NAT1: variants seen among roughly 807,000 people sequenced by gnomAD.
NAT1 encodes the protein N-acetyltransferase 1.
For synonymous variants in NAT1, 144 were observed against 122.6 expected (o/e 1.17, Z -1.16); for missense variants, 400 against 339.2 (o/e 1.18, Z -1.41).
intron 1 of NAT1, 82 bp downstream of exon 1, chr8:18,210,262 G>A (rs936127738): frequency 2.0e-5 from 3 of 152,264 alleles, no homozygotes; most frequent in Middle Eastern, 6.8e-3. Flanking sequence ...GGTTCTACAC[G>A]ATGTCTACAT....
intron 2 of NAT1, among the ~76,000 whole-genome samples, chr8:18,190,293 A>C (rs1383062769): frequency 1.3e-5 from 2 of 152,198 alleles, no homozygotes; most frequent in African/African-American, 4.8e-5. Flanking sequence ...TCCTGTGTGA[A>C]AGTGTGTGTC....
At chr8:18,203,361 G>A (rs2117299822) in intron 2 of NAT1, among the ~76,000 whole-genome samples, 1 of 152,308 alleles carries the variant, frequency 6.6e-6, no homozygotes, top group Non-Finnish European at 1.5e-5. Context: ...AAATAAAATA[G>A]AAATGTGTTC....
In NAT1 at chr8:18,221,896, G is replaced by T. The variant is rs886236604; in HGVS notation, c.-6-146G>T. 8.3e-6 allele frequency: 7 copies of T among 839,308 alleles called. No homozygotes were observed. The African/African-American group carries it at 1.0e-4, about 12-fold the overall frequency. 52.0% of individuals were successfully genotyped at this position (839,308 alleles called of 1,614,324 possible). A position where few individuals can be genotyped will look rare whatever the true frequency, so the allele number is the denominator to read the frequency against. On this transcript the variant is annotated intron_variant, in intron 2 of 2. Transcript: ENST00000307719. ...TTAACTGAACTTATGTGTGTAAAAG[G>T]AATTCATACAATGAAAGCACTAGAA...
At chr8:18,192,552 G>A (rs1803040148) in intron 2 of NAT1, among the ~76,000 whole-genome samples, 1 of 152,140 alleles carries the variant, frequency 6.6e-6, no homozygotes, top group South Asian at 2.1e-4. Context: ...TATGTTTATT[G>A]CGGCACTATG....
chr8:18,195,970 T>C (rs570937888), intron 2 of NAT1, among the ~76,000 whole-genome samples: 1 of 151,840 alleles, frequency 6.6e-6, no homozygotes, highest in Admixed American at 6.6e-5. Context: ...ACCACAAAAA[T>C]GTACGATGCA....
At chr8:18,218,765 C>G (rs1804962997) in intron 1 of NAT1, among the ~76,000 whole-genome samples, 1 of 151,972 alleles carries the variant, frequency 6.6e-6, no homozygotes. Flanking sequence ...TTTGCATGAC[C>G]CACTTACTAG....
chr8:18,216,865 T>G (rs1804726933), intron 1 of NAT1: 2 of 1,500,096 alleles, frequency 1.3e-6, no homozygotes, highest in African/African-American at 1.4e-5. Flanking sequence ...CTCATAATTA[T>G]TTCTTCAACA....
At chr8:18,199,354 C>T (rs1219170210) in intron 2 of NAT1, among the ~76,000 whole-genome samples, 1 of 151,638 alleles carries the variant, frequency 6.6e-6, no homozygotes, top group Non-Finnish European at 1.5e-5. Flanking sequence ...TTGTTTGGCG[C>T]CTTTCTTGTT....
At position 18,201,672 on chromosome 8, in the gene NAT1, G is replaced by A. The variant is rs147888858; in HGVS notation, n.93-8109G>A. ...GCGTGGGCTGACTGGCATTGGGTTG[G>A]CCAGCAGCCTCAGGGGGCTATTCTG... is the stretch of plus-strand genomic sequence containing the variant. On this transcript the variant is annotated intron_variant and non_coding_transcript_variant, in intron 2 of 4. Transcript: ENST00000517441. 6.1e-3 allele frequency among the ~76,000 whole-genome samples: 937 copies of A among 152,360 alleles called. 20 individuals carry two copies. Among genetic ancestry groups the A allele is most frequent in the African/African-American group, 0.021 (864 of 41,580 alleles).
At chr8:18,173,366 G>C (rs971645) in intron 2 of NAT1, among the ~76,000 whole-genome samples, 1 of 152,066 alleles carries the variant, frequency 6.6e-6, no homozygotes, top group African/African-American at 2.4e-5. Flanking sequence ...GGTCCCTCTT[G>C]TTTTCCACCT....
chr8:18,174,883 G>A (rs1787340940), intron 2 of NAT1, among the ~76,000 whole-genome samples: 1 of 152,030 alleles, frequency 6.6e-6, no homozygotes, highest in Non-Finnish European at 1.5e-5. Flanking sequence ...ACTAAGAAGA[G>A]TGAGAGAAAA....
At chr8:18,213,252 A>C (rs1804289982) in intron 1 of NAT1, among the ~76,000 whole-genome samples, 3 of 151,670 alleles carry the variant, frequency 2.0e-5, no homozygotes, top group South Asian at 2.1e-4. Context: ...ATTGTATATA[A>C]ATTTTTTTTT....
At chr8:18,176,367 G>A (rs78498740) in intron 2 of NAT1, among the ~76,000 whole-genome samples, 11,571 of 152,000 alleles carry the variant, frequency 0.076, 1,107 homozygotes, top group African/African-American at 0.23. Context: ...CAGGTCTTAC[G>A]TTTAAGTATT....
chr8:18,190,244 G>T (rs191137418), intron 2 of NAT1, among the ~76,000 whole-genome samples: 93 of 152,344 alleles, frequency 6.1e-4, no homozygotes, highest in Non-Finnish European at 1.2e-4. Flanking sequence ...GGCTACTGTT[G>T]TAAGTTTAAT....
Position 18,222,506 on chromosome 8 carries a change from G to A in NAT1, c.459G>A (p.Thr153=), listed in dbSNP as rs4986990. Residue 153 remains threonine (T), a synonymous_variant, in exon 3 of 3, where the codon ACG becomes ACA. Coordinates refer to ENST00000307719, the MANE Select transcript of NAT1 (RefSeq NM_000662.8). The part of the protein sequence containing the change: ...QPQVPCVFRL[T]EENGFWYLDQ... ...AGGTGCCTTGTGTCTTCCGTTTGAC[G>A]GAAGAGAATGGATTCTGGTATCTAG... The A allele has an allele frequency of 0.021, 34,690 of 1,613,978 alleles. 485 individuals are homozygous for A. Among genetic ancestry groups the A allele is most frequent in the Middle Eastern group, 0.08 (487 of 6,062 alleles).
At chr8:18,199,200 G>A (rs1399671367) in intron 2 of NAT1, among the ~76,000 whole-genome samples, 2 of 151,260 alleles carry the variant, frequency 1.3e-5, no homozygotes, top group African/African-American at 4.9e-5. Flanking sequence ...TATAGTCTCA[G>A]CTACTTGGGA....
chr8:18,189,292 G>A lies in NAT1; in HGVS notation n.92+18553G>A, dbSNP rs556658630. 5.3e-5 allele frequency among the ~76,000 whole-genome samples: 8 copies of A among 151,870 alleles called. No homozygotes were observed. In the East Asian group the frequency reaches 7.7e-4, roughly 15 times the overall value. Reference sequence around the variant, plus strand: ...TTCCCTCCCTTCCTCTCATAATAACGTTTATTGATCAGGCACTGTGCTAGC... The same window carrying A: ...TTCCCTCCCTTCCTCTCATAATAACATTTATTGATCAGGCACTGTGCTAGC... On this transcript the variant is annotated intron_variant and non_coding_transcript_variant, in intron 2 of 4. Transcript: ENST00000517441.
At chr8:18,208,009 A>G (rs1178847425), upstream of NAT1, among the ~76,000 whole-genome samples, 1 of 152,134 alleles carries the variant, frequency 6.6e-6, no homozygotes, top group African/African-American at 2.4e-5. Context: ...GTAAACTGAC[A>G]AAGGAGCAGA....
intron 2 of NAT1, among the ~76,000 whole-genome samples, chr8:18,220,864 G>T (rs747927191): frequency 1.3e-5 from 2 of 152,100 alleles, no homozygotes; most frequent in Non-Finnish European, 2.9e-5. Context: ...TGTTATCCAT[G>T]AGCCAAGCAC....
Sources: allele counts gnomAD v4.1 joint callset (sites outside exome capture counted in the v4.1 genomes callset), GRCh38; gene constraint gnomAD v4.1.1; transcripts MANE v1.5; gene names NCBI Gene and HGNC (gene_info 2026-07-23, HGNC 2026-07-21).